Variants in NTM observed in about 807,000 individuals in gnomAD.
The protein encoded by NTM is IgLON family member 2.
In NTM, 13 loss-of-function variants were observed where a neutral mutation model predicts 42.1. That is an observed-to-expected ratio of 0.31 (90% confidence interval 0.20 to 0.49). The LOEUF (loss-of-function observed/expected upper bound fraction) is 0.49. NTM is among the 20% of genes least tolerant of loss of function. The probability of loss-of-function intolerance (pLI) is 0.99; values close to 1 mark genes in which losing one functional copy is unlikely to be tolerated. For synonymous variants in NTM, 187 were observed against 179.2 expected (o/e 1.04, Z -0.35); for missense variants, 373 against 452.8 (o/e 0.82, Z 1.60).
At chr11:131,462,696 A>G (rs1334070444) in intron 1 of NTM, among the ~76,000 whole-genome samples, 2 of 152,182 alleles carry the variant, frequency 1.3e-5, no homozygotes, top group African/African-American at 2.4e-5. Flanking sequence ...AAACTCCAAC[A>G]TGTCCTGCCC....
intron 2 of NTM, among the ~76,000 whole-genome samples, chr11:131,941,036 G>A (rs2059738432): frequency 6.6e-6 from 1 of 152,212 alleles, no homozygotes; most frequent in South Asian, 2.1e-4. Flanking sequence ...TGCGCATAGG[G>A]CACGTGGAGG....
chr11:131,971,567 C>T (rs113006174), intron 2 of NTM, among the ~76,000 whole-genome samples: 439 of 152,144 alleles, frequency 2.9e-3, no homozygotes, highest in Non-Finnish European at 5.2e-3. Flanking sequence ...TCTTCATTTG[C>T]GGTATAGTGA....
chr11:131,511,575 A>G lies in NTM; in HGVS notation c.82+140687A>G, dbSNP rs915143438. 1.7e-4 allele frequency among the ~76,000 whole-genome samples: 26 copies of G among 152,310 alleles called. No individual in the cohort carries two copies. The Middle Eastern group carries it at 0.01, about 60-fold the overall frequency. ...CTAGACTTTGTGCTTGCACTTGACAAACAAAACAGAAACCCCGAGGTTATA... is the reference window on the plus strand; with the variant it reads ...CTAGACTTTGTGCTTGCACTTGACAGACAAAACAGAAACCCCGAGGTTATA... On this transcript the variant is annotated intron_variant, in intron 1 of 8. Coordinates refer to ENST00000683400, the MANE Select transcript of NTM (RefSeq NM_001352005.2).
At chr11:131,630,340 C>A (rs375673293) in intron 1 of NTM, among the ~76,000 whole-genome samples, 1 of 152,132 alleles carries the variant, frequency 6.6e-6, no homozygotes, top group African/African-American at 2.4e-5. Flanking sequence ...CAAGCCGTAA[C>A]TTAATCTCTT....
In NTM at chr11:131,849,966, TATAATA is replaced by T. The variant is rs10605011; in HGVS notation, c.83-61572_83-61567del. Among the ~76,000 whole-genome samples, 262 of 146,348 alleles carry T rather than the reference TATAATA, an allele frequency of 1.8e-3. 1 individual carries two copies. The highest frequency in any genetic ancestry group is 0.014 in the South Asian group (64 of 4,500). On this transcript the variant is annotated intron_variant, in intron 1 of 8. Transcript: ENST00000683400. ...TGTACATGTACCCTAAAACTTAAAG[TATAATA>T]ATAATAATAATAATAATAATAATAA...
chr11:131,435,109 G>A (rs1949014656), intron 1 of NTM, among the ~76,000 whole-genome samples: 1 of 152,098 alleles, frequency 6.6e-6, no homozygotes, highest in Non-Finnish European at 1.5e-5. Flanking sequence ...TAGATGTGTG[G>A]TGTTATTTCT....
intron 2 of NTM, among the ~76,000 whole-genome samples, chr11:132,103,156 G>T (rs1324989921): frequency 1.3e-5 from 2 of 152,218 alleles, no homozygotes; most frequent in African/African-American, 2.4e-5. Context: ...GCACACAGGC[G>T]CAGGCAGCAC....
At chr11:131,718,656 G>T (rs2077983695) in intron 1 of NTM, among the ~76,000 whole-genome samples, 1 of 152,138 alleles carries the variant, frequency 6.6e-6, no homozygotes, top group South Asian at 2.1e-4. Context: ...TCCTCTGCTG[G>T]ATGCTCAAGG....
At chr11:131,380,121 A>G (rs1442460238) in intron 1 of NTM, among the ~76,000 whole-genome samples, 1 of 151,756 alleles carries the variant, frequency 6.6e-6, no homozygotes, top group Non-Finnish European at 1.5e-5. Flanking sequence ...CCTTTGGCTT[A>G]TGCTCAGGCC....
intron 1 of NTM, among the ~76,000 whole-genome samples, chr11:131,724,590 T>G (rs1327132623): frequency 6.6e-6 from 1 of 152,148 alleles, no homozygotes; most frequent in Non-Finnish European, 1.5e-5. Flanking sequence ...CACCCCAGAA[T>G]CTCAAGTAGT....
chr11:132,074,545 T>C (rs2058114877), intron 2 of NTM, among the ~76,000 whole-genome samples: 1 of 152,194 alleles, frequency 6.6e-6, no homozygotes, highest in East Asian at 1.9e-4. Flanking sequence ...AACAGCTTTT[T>C]TTTTTTAGGA....
chr11:132,205,362 G>T (rs1367267921), intron 3 of NTM, among the ~76,000 whole-genome samples: 1 of 152,174 alleles, frequency 6.6e-6, no homozygotes, highest in African/African-American at 2.4e-5. Flanking sequence ...ATTTATTAAT[G>T]ACATAATTAT....
intron 2 of NTM, among the ~76,000 whole-genome samples, chr11:132,034,975 TA>T (rs1334119240): frequency 6.6e-6 from 1 of 152,218 alleles, no homozygotes; most frequent in Non-Finnish European, 1.5e-5. Flanking sequence ...GCATCTTGAT[TA>T]TTCAGTTTTA....
chr11:131,905,528 C>A (rs2053747015), intron 1 of NTM, among the ~76,000 whole-genome samples: 1 of 152,028 alleles, frequency 6.6e-6, no homozygotes, highest in South Asian at 2.1e-4. Context: ...CTTGCCCATC[C>A]CTTCATCTCC....
At chr11:131,552,341 G>T (rs1307429663) in intron 1 of NTM, among the ~76,000 whole-genome samples, 2 of 152,100 alleles carry the variant, frequency 1.3e-5, no homozygotes, top group Non-Finnish European at 2.9e-5. Context: ...CAAAACTTAA[G>T]ATATGCATGC....
chr11:132,287,970 A>G (rs2094313305), intron 4 of NTM, among the ~76,000 whole-genome samples: 2 of 152,264 alleles, frequency 1.3e-5, no homozygotes, highest in African/African-American at 4.8e-5. Flanking sequence ...ATGTGGTTCA[A>G]GGGTATGATA....
At chr11:131,925,383 CTTT>C (rs61493262) in intron 2 of NTM, among the ~76,000 whole-genome samples, 2 of 111,454 alleles carry the variant, frequency 1.8e-5, no homozygotes, top group African/African-American at 3.6e-5. Context: ...TTTCTTTTCT[CTTT>C]TTTTTTTTTT....
intron 1 of NTM, among the ~76,000 whole-genome samples, chr11:131,868,387 C>T (rs2047437098): frequency 6.6e-6 from 1 of 152,208 alleles, no homozygotes; most frequent in South Asian, 2.1e-4. Context: ...GGTCTCCTAA[C>T]TGGCCTCCCT....
chr11:131,693,569 G>T, intron 1 of NTM, among the ~76,000 whole-genome samples: 1 of 152,232 alleles, frequency 6.6e-6, no homozygotes, highest in Non-Finnish European at 1.5e-5. Flanking sequence ...TTACCTGAGG[G>T]GAGGTGACAG....
Sources: allele counts gnomAD v4.1 joint callset (sites outside exome capture counted in the v4.1 genomes callset), GRCh38; gene constraint gnomAD v4.1.1; transcripts MANE v1.5; gene names NCBI Gene and HGNC (gene_info 2026-07-23, HGNC 2026-07-21).